Variants in TRMU observed in about 807,000 individuals in gnomAD.
The protein encoded by TRMU is mitochondrial tRNA-specific 2-thiouridylase 1.
TRMU carries 49 observed loss-of-function variants against 46.9 expected under a neutral mutation model. That is an observed-to-expected ratio of 1.05 (90% confidence interval 0.83 to 1.33). TRMU has a LOEUF of 1.33. TRMU is among the 40% of genes most tolerant of loss of function. The pLI, the probability that TRMU is intolerant of heterozygous loss-of-function variation, is 0.00. For missense variants in TRMU, 572 were observed against 532.4 expected (o/e 1.07, Z -0.73); for synonymous variants, 241 against 200.9 (o/e 1.20, Z -1.69).
intron 8 of TRMU, chr22:46,354,685 C>A (rs1478664840): frequency 6.6e-6 from 1 of 152,494 alleles, no homozygotes; most frequent in Non-Finnish European, 1.5e-5. Flanking sequence ...AGCCTGGCTG[C>A]GAATGAATTA....
Position 46,353,426 on chromosome 22 carries a change from G to A in TRMU, c.773-341G>A, listed in dbSNP as rs906385129. ...GTGAAGACGTGCAGCTATGTCATGGGCTCAGCAAGAAGGGCCCCTGGCGTC... is the reference window on the plus strand; with the variant it reads ...GTGAAGACGTGCAGCTATGTCATGGACTCAGCAAGAAGGGCCCCTGGCGTC... On this transcript the variant is annotated intron_variant, in intron 7 of 10. Coordinates refer to ENST00000645190, the MANE Select transcript of TRMU (RefSeq NM_018006.5). 10 of 356,564 alleles carry A rather than the reference G, an allele frequency of 2.8e-5. No homozygotes were observed. In the Admixed American group the frequency reaches 3.0e-4, roughly 11 times the overall value. The allele number at this position is 356,564 out of a possible 1,614,324, so 22.1% of individuals were successfully genotyped here. A position where few individuals can be genotyped will look rare whatever the true frequency, so the allele number is the denominator to read the frequency against.
At chr22:46,356,742 C>T in intron 10 of TRMU, 100 bp from the exon 11 acceptor site, 1 of 1,429,096 alleles carries the variant, frequency 7.0e-7, no homozygotes, top group Non-Finnish European at 9.7e-7. Context: ...GTGCCTGGTG[C>T]TCCGAGCACA....
intron 10 of TRMU, 145 bp downstream of exon 10, chr22:46,356,217 C>A: frequency 1.2e-6 from 1 of 825,842 alleles, no homozygotes; most frequent in Non-Finnish European, 1.9e-6. Context: ...TGCCACCAGC[C>A]CTGCCCTGGG....
Position 46,335,742 on chromosome 22 carries a change from T to G in TRMU, c.-23T>G, listed in dbSNP as rs1049433503. 1.6e-5 allele frequency: 25 copies of G among 1,545,068 alleles called. No individual in the cohort carries two copies. Among genetic ancestry groups the G allele is most frequent in the African/African-American group, 2.7e-5 (2 of 72,968 alleles). On this transcript the variant is annotated 5_prime_UTR_variant, in exon 1 of 11. Coordinates refer to ENST00000645190, the MANE Select transcript of TRMU (RefSeq NM_018006.5). The stretch of plus-strand genomic sequence containing the variant: ...GCGCGGAAGCGGCGGTAGCTGCAGC[T>G]GGCGAAGTTGGGCGACTGGCGGATG...
intron 3 of TRMU, 72 bp downstream of exon 3, chr22:46,343,440 C>G: frequency 2.6e-6 from 3 of 1,162,250 alleles, no homozygotes; most frequent in Non-Finnish European, 3.8e-6. Flanking sequence ...GGCTGGATTG[C>G]AGTGGTGCGA....
rs900899942 is a variant in TRMU at position 46,342,544 on chromosome 22, G to A, written c.249-718G>A. Among the ~76,000 whole-genome samples the A allele has an allele frequency of 5.9e-5, 9 of 152,216 alleles. No individual in the cohort carries two copies. The highest frequency in any genetic ancestry group is 1.9e-4 in the African/African-American group (8 of 41,452). Reference sequence around the variant, plus strand: ...GGGAGGGTCTTAAGACCCACAGTCAGAAAGGTAGACGCTTGTAATCCTAGC... The same window carrying A: ...GGGAGGGTCTTAAGACCCACAGTCAAAAAGGTAGACGCTTGTAATCCTAGC... On this transcript the variant is annotated intron_variant, in intron 2 of 10. Coordinates refer to ENST00000645190, the MANE Select transcript of TRMU (RefSeq NM_018006.5). The surrounding 1 kb of genome is among the most constrained non-coding windows in gnomAD (Gnocchi z 4.7).
At chr22:46,356,818 G>A (rs1189001570) in intron 10 of TRMU, 24 bp from the exon 11 acceptor site, 3 of 1,612,006 alleles carry the variant, frequency 1.9e-6, no homozygotes, top group Non-Finnish European at 1.7e-6. Flanking sequence ...TGGCACCCCT[G>A]ATGCCAGGGT....
In TRMU at chr22:46,353,827, A is replaced by C. The variant is rs939298073; in HGVS notation, c.833A>C (p.Tyr278Ser). 2.5e-6 allele frequency: 4 copies of C among 1,613,800 alleles called. No homozygotes were observed. Among genetic ancestry groups the C allele is most frequent in the Admixed American group, 3.3e-5 (2 of 59,994 alleles). The change falls in exon 8 of 11, where the codon TAC becomes TCC. Residue 278 changes from tyrosine (Y) to serine (S), a missense_variant. Physicochemically the swap from Tyr to Ser is moderately radical, Grantham distance 144 (BLOSUM62 -2). Transcript: ENST00000645190. ...ATAGGTGGCCTGAGAGAGCCCTGGT[A>C]CGTGGTGGAGAAGGACAGCGTCAAG... Reference protein sequence around the residue: ...ANIGGLREPWYVVEKDSVKGD... With the variant: ...ANIGGLREPWSVVEKDSVKGD...
rs1189825685 is a variant in TRMU at position 46,349,748 on chromosome 22, A to C, written c.479-543A>C. On this transcript the variant is annotated intron_variant, in intron 4 of 10. Coordinates refer to ENST00000645190, the MANE Select transcript of TRMU (RefSeq NM_018006.5). The surrounding 1 kb of genome is among the most constrained non-coding windows in gnomAD (Gnocchi z 4.6). ...ACAGATGTCAGCTGAGACTCTCAAC[A>C]AAAAAACGTTTTTACCAAGAAAGCT... Among the ~76,000 whole-genome samples the C allele has an allele frequency of 6.6e-6, 1 of 152,124 alleles. No individual in the cohort carries two copies. The highest frequency in any genetic ancestry group is 6.6e-5 in the Admixed American group (1 of 15,262).
intron 2 of TRMU, among the ~76,000 whole-genome samples, 172 bp from the exon 3 acceptor site, chr22:46,343,090 T>C (rs2078163537): frequency 6.6e-6 from 1 of 152,362 alleles, no homozygotes; most frequent in East Asian, 1.9e-4. Context: ...GGGTGGCCCA[T>C]GCAGCAGGTT....
intron 8 of TRMU, chr22:46,355,202 T>C: frequency 3.2e-6 from 2 of 619,074 alleles, no homozygotes; most frequent in East Asian, 2.8e-5. Flanking sequence ...CACCCCTGCC[T>C]CTTGCCCACT....
rs1282745969 is a variant in TRMU, at chr22:46,350,304, C to T, written c.492C>T (p.Leu164=). The T allele has an allele frequency of 1.2e-6, 2 of 1,614,082 alleles. No individual in the cohort carries two copies. Among genetic ancestry groups the T allele is most frequent in the African/African-American group, 2.7e-5 (2 of 74,948 alleles). Residue 164 remains leucine (L), a synonymous_variant, in exon 5 of 11, where the codon CTC becomes CTT. Transcript: ENST00000645190. This position sits in a 1 kb window ranked among gnomAD's most constrained non-coding sequence, Gnocchi z 4.6. Reference sequence around the variant, plus strand: ...TATTCTTGGCAGCGGTAAAACTCCTCCAGGCAGCTGACAGCTTTAAAGACC... The same window carrying T: ...TATTCTTGGCAGCGGTAAAACTCCTTCAGGCAGCTGACAGCTTTAAAGACC... ...RFEVRNAVKL[L]QAADSFKDQT... is the part of the protein sequence containing the mutation.
chr22:46,337,013 C>A (rs2077995887), intron 1 of TRMU, among the ~76,000 whole-genome samples: 2 of 152,148 alleles, frequency 1.3e-5, no homozygotes, highest in Non-Finnish European at 2.9e-5. Context: ...AGATGCTATA[C>A]CAGGGGCTTT....
chr22:46,344,129 T>G (rs1601950399), intron 3 of TRMU, among the ~76,000 whole-genome samples: 1 of 152,222 alleles, frequency 6.6e-6, no homozygotes, highest in South Asian at 2.1e-4. Flanking sequence ...CTAACTAGGT[T>G]CAGTAATTCT....
intron 3 of TRMU, among the ~76,000 whole-genome samples, chr22:46,343,849 C>G (rs1022262780): frequency 6.6e-6 from 1 of 152,152 alleles, no homozygotes; most frequent in Non-Finnish European, 1.5e-5. Context: ...TGTCCCACTG[C>G]AGCTCACCCT....
chr22:46,355,978 T>C lies in TRMU; in HGVS notation c.1019-12T>C, dbSNP rs2078593731. On this transcript the variant is annotated splice_polypyrimidine_tract_variant and intron_variant, in intron 9 of 10. Coordinates refer to ENST00000645190, the MANE Select transcript of TRMU (RefSeq NM_018006.5). ...CCTGTGCCCCCTCCAAGGGCCCCTC[T>C]CTTCTACCCAGTGCCCTGTGTGCTG... is the stretch of plus-strand genomic sequence containing the variant. 2 of 1,613,844 alleles carry C rather than the reference T, an allele frequency of 1.2e-6. No individual in the cohort carries two copies. The highest frequency in any genetic ancestry group is 1.7e-6 in the Non-Finnish European group (2 of 1,179,920).
At position 46,357,003 on chromosome 22, in the gene TRMU, C is replaced by G. The variant is rs770796290; in HGVS notation, c.1263C>G (p.Leu421=). The G allele has an allele frequency of 5.6e-6, 9 of 1,613,510 alleles. No individual in the cohort carries two copies. The highest frequency in any genetic ancestry group is 2.2e-5 in the East Asian group (1 of 44,888). Reference sequence around the variant, plus strand: ...ATGGTCCAGGCCTGAGTCCCTTGCTCTGACAGAGATGGATCTGCTAGAAGG... The same window carrying G: ...ATGGTCCAGGCCTGAGTCCCTTGCTGTGACAGAGATGGATCTGCTAGAAGG... ...PEDGPGLSPL[L] The change falls in exon 11 of 11, where the codon CTC becomes CTG. Residue 421 remains leucine, a synonymous_variant. Coordinates refer to ENST00000645190, the MANE Select transcript of TRMU (RefSeq NM_018006.5).
At chr22:46,344,750 A>T (rs766978429) in intron 3 of TRMU, among the ~76,000 whole-genome samples, 41 of 152,300 alleles carry the variant, frequency 2.7e-4, no homozygotes, top group Middle Eastern at 3.4e-3. Context: ...TGACGCCCAG[A>T]CTTCTGAACT....
chr22:46,335,955 G>A (rs1388687253), intron 1 of TRMU, 109 bp downstream of exon 1: 1 of 1,486,326 alleles, frequency 6.7e-7, no homozygotes, highest in African/African-American at 1.4e-5. Flanking sequence ...GCCGCTGGTT[G>A]CGCGCGGGTC....
Sources: gnomAD v4.1 joint callset for allele counts (sites outside exome capture counted in the v4.1 genomes callset) on GRCh38, gnomAD v4.1.1 for gene constraint, Gnocchi (gnomAD v3.1) non-coding constraint, MANE v1.5 for transcripts, NCBI Gene and HGNC (gene_info 2026-07-23, HGNC 2026-07-21) for gene names.